PHACTR3: variants seen among roughly 807,000 people sequenced by gnomAD.
The protein encoded by PHACTR3 is phosphatase and actin regulator 3.
In PHACTR3, 16 loss-of-function variants were observed where a neutral mutation model predicts 66.8. The observed-to-expected ratio is 0.24, with a 90% CI of 0.16 to 0.36. The LOEUF is 0.36. Among genes scored for constraint, PHACTR3 ranks in the 10% least tolerant of loss-of-function variants. The probability of loss-of-function intolerance (pLI) is 1.00; values close to 1 mark genes in which losing one functional copy is unlikely to be tolerated. For missense variants in PHACTR3, 647 were observed against 719.9 expected (o/e 0.90, Z 1.16); for synonymous variants, 323 against 292.1 (o/e 1.11, Z -1.08).
intron 8 of PHACTR3, among the ~76,000 whole-genome samples, chr20:59,811,919 C>T (rs1037794046): frequency 1.3e-5 from 2 of 152,218 alleles, no homozygotes; most frequent in Non-Finnish European, 1.5e-5. Flanking sequence ...CCACATTGGT[C>T]CCTGAAGAAA....
At position 59,847,496 on chromosome 20, in the gene PHACTR3, G is replaced by A. The variant is rs2059172852; in HGVS notation, c.*366G>A. 1 of 204,150 alleles carries A rather than the reference G, an allele frequency of 4.9e-6. No homozygotes were observed. Among genetic ancestry groups the A allele is most frequent in the African/African-American group, 2.3e-5 (1 of 43,942 alleles). The allele number at this position is 204,150 out of a possible 1,614,324, so 12.6% of individuals were successfully genotyped here. On this transcript the variant is annotated 3_prime_UTR_variant, in exon 13 of 13. Coordinates refer to ENST00000371015, the MANE Select transcript of PHACTR3 (RefSeq NM_080672.5). The stretch of plus-strand genomic sequence containing the variant: ...CCACTCCCAGGCCTCTGACATGAGG[G>A]ACATGTGACAGTGTCATTCAGTATT...
At position 59,704,562 on chromosome 20, in the gene PHACTR3, C is replaced by CTTT. The variant is rs11331156; in HGVS notation, c.119-38525_119-38523dup. ...CACTCAGCACTCTCCTGAGAATAGT[C>CTTT]TTTTTTTTTTTTTTTTTTTTTTGCC... On this transcript the variant is annotated intron_variant, in intron 1 of 12. Transcript: ENST00000371015. 3.7e-3 allele frequency among the ~76,000 whole-genome samples: 330 copies of CTTT among 89,438 alleles called. 3 individuals are homozygous for CTTT. Among genetic ancestry groups the CTTT allele is most frequent in the African/African-American group, 0.013 (300 of 23,804 alleles). 58.7% of individuals were successfully genotyped at this position (89,438 alleles called of 152,430 possible).
At chr20:59,723,112 TTC>T (rs1207428320) in intron 1 of PHACTR3, among the ~76,000 whole-genome samples, 2 of 143,644 alleles carry the variant, frequency 1.4e-5, no homozygotes, top group Admixed American at 7.1e-5. Context: ...CTTTCTTTCT[TTC>T]TTTCTTCAGC....
chr20:59,645,159 C>T (rs2035239423), intron 1 of PHACTR3, among the ~76,000 whole-genome samples: 1 of 151,426 alleles, frequency 6.6e-6, no homozygotes, highest in Non-Finnish European at 1.5e-5. Flanking sequence ...AGGATAGTGG[C>T]CTCCAGCTGC....
chr20:59,594,223 G>T (rs1047268512), intron 1 of PHACTR3, among the ~76,000 whole-genome samples: 4 of 151,960 alleles, frequency 2.6e-5, no homozygotes, highest in Non-Finnish European at 4.4e-5. Context: ...TTTTATTTTT[G>T]GGGGTGACTT....
At chr20:59,670,012 A>G (rs2036137255) in intron 1 of PHACTR3, among the ~76,000 whole-genome samples, 2 of 152,220 alleles carry the variant, frequency 1.3e-5, no homozygotes, top group South Asian at 4.1e-4. Flanking sequence ...GTGAATATTT[A>G]TTGAGTGCCC....
At chr20:59,589,592 G>T (rs573576285) in intron 1 of PHACTR3, among the ~76,000 whole-genome samples, 12 of 152,182 alleles carry the variant, frequency 7.9e-5, no homozygotes, top group African/African-American at 2.9e-4. Context: ...TTGCTGCGAC[G>T]GGGTGCTGGT....
chr20:59,641,907 G>A (rs1242623842), intron 1 of PHACTR3, among the ~76,000 whole-genome samples: 1 of 152,170 alleles, frequency 6.6e-6, no homozygotes, highest in South Asian at 2.1e-4. Context: ...CTATTAGTCT[G>A]TTTAAAGTCA....
intron 2 of PHACTR3, among the ~76,000 whole-genome samples, chr20:59,743,928 C>T (rs2039269726): frequency 6.6e-6 from 1 of 152,224 alleles, no homozygotes; most frequent in Non-Finnish European, 1.5e-5. Flanking sequence ...CCTGCTGCCC[C>T]CTCACACCCT....
intron 8 of PHACTR3, among the ~76,000 whole-genome samples, chr20:59,822,097 T>C (rs1486150254): frequency 1.8e-5 from 1 of 55,282 alleles, no homozygotes; most frequent in African/African-American, 8.5e-5. Context: ...TCTCCAGCGA[T>C]CCCACCCCCT....
intron 8 of PHACTR3, among the ~76,000 whole-genome samples, chr20:59,811,931 T>G (rs899336012): frequency 6.6e-6 from 1 of 152,240 alleles, no homozygotes; most frequent in Middle Eastern, 3.4e-3. Flanking sequence ...CTGAAGAAAG[T>G]CATAAAAGCA....
At position 59,773,375 on chromosome 20, in the gene PHACTR3, C is replaced by T. The variant is rs139638087; in HGVS notation, c.848C>T (p.Thr283Met). The change falls in exon 6 of 13, where the codon ACG becomes ATG. Residue 283 changes from threonine (T) to methionine (M), a missense_variant. Around this residue, in one of 2 missense-constraint regions of PHACTR3, gnomAD observed 577 missense variants for 571.1 expected, o/e 1.01. Coordinates refer to ENST00000371015, the MANE Select transcript of PHACTR3 (RefSeq NM_080672.5). The stretch of plus-strand genomic sequence containing the variant: ...CCCACGGGGTCTCCGCATCTCACCA[C>T]GGTCCACCGGCCTCTTCCCCCAAGC... ...STPTGSPHLT[T>M]VHRPLPPSRV... is the part of the protein sequence containing the mutation. 1.2e-5 allele frequency: 20 copies of T among 1,614,060 alleles called. No individual in the cohort carries two copies. Among genetic ancestry groups the T allele is most frequent in the Middle Eastern group, 3.3e-4 (2 of 6,084 alleles).
At chr20:59,721,801 T>C (rs969815514) in intron 1 of PHACTR3, among the ~76,000 whole-genome samples, 2 of 152,156 alleles carry the variant, frequency 1.3e-5, no homozygotes, top group Non-Finnish European at 2.9e-5. Flanking sequence ...TGAAATGTAT[T>C]GAGCCCCTGC....
intron 1 of PHACTR3, among the ~76,000 whole-genome samples, chr20:59,639,107 G>A (rs909731918): frequency 3.3e-5 from 5 of 151,316 alleles, no homozygotes; most frequent in African/African-American, 7.3e-5. Context: ...ATGGGTAGAC[G>A]GATGTATGGG....
chr20:59,723,160 C>A (rs769454498), intron 1 of PHACTR3, among the ~76,000 whole-genome samples: 33 of 142,878 alleles, frequency 2.3e-4, no homozygotes, highest in Non-Finnish European at 4.3e-4. Context: ...ATACAATTCA[C>A]CCTTATACAG....
At chr20:59,726,637 A>G (rs1015298812) in intron 1 of PHACTR3, among the ~76,000 whole-genome samples, 1 of 152,194 alleles carries the variant, frequency 6.6e-6, no homozygotes, top group Non-Finnish European at 1.5e-5. Flanking sequence ...AACTATGTGT[A>G]ACATCAAATT....
At chr20:59,709,506 T>G (rs17804933) in intron 1 of PHACTR3, among the ~76,000 whole-genome samples, 18,753 of 152,252 alleles carry the variant, frequency 0.12, 1,508 homozygotes, top group Non-Finnish European at 0.17. Context: ...TTACAAAACT[T>G]TGAAGTTCTA....
In PHACTR3 at chr20:59,767,044, A is replaced by G. The variant is rs1411934090; in HGVS notation, c.542-142A>G. 41 of 710,596 alleles carry G rather than the reference A, an allele frequency of 5.8e-5. No individual in the cohort carries two copies. In the East Asian group the frequency reaches 1.1e-3, roughly 19 times the overall value. The allele number at this position is 710,596 out of a possible 1,614,324, so 44.0% of individuals were successfully genotyped here. On this transcript the variant is annotated intron_variant, in intron 4 of 12. Transcript: ENST00000371015. ...TGGTTCTATTGAGAGTTGAACTTGC[A>G]GGAAGTCAAGTGCCTGTGTGAGGTC...
chr20:59,824,999 C>G (rs1028427834), intron 8 of PHACTR3, among the ~76,000 whole-genome samples: 1 of 152,220 alleles, frequency 6.6e-6, no homozygotes, highest in Non-Finnish European at 1.5e-5. Flanking sequence ...GAGCTGTGTC[C>G]CACAAGCCCA....
Sources: allele counts gnomAD v4.1 joint callset (sites outside exome capture counted in the v4.1 genomes callset), GRCh38; gene constraint gnomAD v4.1.1; regional missense constraint gnomAD v4.1.1; transcripts MANE v1.5; gene names NCBI Gene and HGNC (gene_info 2026-07-23, HGNC 2026-07-21).